The following SLC39A11 variants were observed in gnomAD, a reference collection of about 807,000 sequenced individuals.
SLC39A11 encodes the protein solute carrier family 39 member 11, also known as zinc transporter ZIP11.
SLC39A11 carries 33 observed loss-of-function variants against 36.1 expected under a neutral mutation model. The ratio of observed to expected loss-of-function variants is 0.91; its 90% confidence interval spans 0.69 to 1.22. SLC39A11 has a LOEUF of 1.22. Among genes scored for constraint, SLC39A11 ranks in the 50% most tolerant of loss-of-function variants. The pLI, the probability that SLC39A11 is intolerant of heterozygous loss-of-function variation, is 0.00. For missense variants in SLC39A11, 432 were observed against 430.3 expected, an observed-to-expected ratio of 1.00 and a Z score of -0.03; for synonymous variants, 166 against 170.3, an observed-to-expected ratio of 0.97 and a Z score of 0.20.
At chr17:72,682,052 C>T (rs1432239675) in intron 7 of SLC39A11, among the ~76,000 whole-genome samples, 2 of 152,134 alleles carry the variant, frequency 1.3e-5, no homozygotes, top group East Asian at 1.9e-4. Context: ...ATCAGATCAG[C>T]GGCAGCATTA....
intron 6 of SLC39A11, among the ~76,000 whole-genome samples, chr17:72,840,255 C>T (rs1385809992): frequency 3.3e-5 from 5 of 152,340 alleles, no homozygotes; most frequent in African/African-American, 7.2e-5. Flanking sequence ...AAACAGTGGT[C>T]CCCAGGCCTC....
At chr17:72,833,060 G>GTCAATCAAGACC (rs372623750) in intron 6 of SLC39A11, among the ~76,000 whole-genome samples, 85 of 152,296 alleles carry the variant, frequency 5.6e-4, no homozygotes, top group African/African-American at 2.0e-3. Context: ...TCAAGCCCTT[G>GTCAATCAAGACC]TCAATCAAGA....
At chr17:72,948,612 T>C (rs756876168) in intron 4 of SLC39A11, among the ~76,000 whole-genome samples, 3 of 152,100 alleles carry the variant, frequency 2.0e-5, no homozygotes, top group Non-Finnish European at 2.9e-5. Context: ...GCAGTGCGAG[T>C]TGCAGAGAAT....
intron 2 of SLC39A11, among the ~76,000 whole-genome samples, chr17:73,085,462 G>A (rs997211269): frequency 1.3e-5 from 2 of 151,990 alleles, no homozygotes; most frequent in Admixed American, 1.3e-4. Flanking sequence ...CCTGGCTAAC[G>A]TGGTGAAACT....
chr17:72,736,733 A>G lies in SLC39A11; in HGVS notation c.602-14T>C, dbSNP rs1325200336. 6.2e-7 allele frequency: 1 copy of G among 1,606,614 alleles called. No individual in the cohort carries two copies. Among genetic ancestry groups the G allele is most frequent in the South Asian group, 1.1e-5 (1 of 90,924 alleles). ...CAGCGAGACCCTCTGAAATAGATGT[A>G]AGAAAAGCAAGAGGGGTTAGGAATA... On this transcript the variant is annotated splice_polypyrimidine_tract_variant and intron_variant, in intron 6 of 9. Coordinates refer to ENST00000255559, the MANE Select transcript of SLC39A11 (RefSeq NM_139177.4).
intron 7 of SLC39A11, among the ~76,000 whole-genome samples, chr17:72,662,274 A>T (rs1264821721): frequency 6.6e-6 from 1 of 151,746 alleles, no homozygotes; most frequent in Non-Finnish European, 1.5e-5. Flanking sequence ...TTTTTTAGAA[A>T]GAAAAGAAAG....
chr17:72,896,203 T>G, intron 5 of SLC39A11, among the ~76,000 whole-genome samples: 1 of 133,578 alleles, frequency 7.5e-6, no homozygotes, highest in South Asian at 2.7e-4. Flanking sequence ...TTTTTTTTTT[T>G]TTTTTTTTTT....
At chr17:73,027,459 G>A (rs1484921949) in intron 4 of SLC39A11, among the ~76,000 whole-genome samples, 1 of 152,094 alleles carries the variant, frequency 6.6e-6, no homozygotes, top group African/African-American at 2.4e-5. Flanking sequence ...AACAGTTACC[G>A]CAGAGCTTCT....
intron 7 of SLC39A11, among the ~76,000 whole-genome samples, chr17:72,710,800 T>C (rs962053539): frequency 6.6e-6 from 1 of 152,232 alleles, no homozygotes; most frequent in Non-Finnish European, 1.5e-5. Context: ...CCACCTCCAC[T>C]ACTGGCTTTA....
intron 5 of SLC39A11, among the ~76,000 whole-genome samples, chr17:72,881,340 T>C: frequency 6.6e-6 from 1 of 152,202 alleles, no homozygotes; most frequent in East Asian, 1.9e-4. Flanking sequence ...AAAAATTAAC[T>C]TGATTGCAGT....
chr17:72,649,047 C>A, intron 8 of SLC39A11, 86 bp from the exon 9 acceptor site: 2 of 1,550,518 alleles, frequency 1.3e-6, no homozygotes, highest in South Asian at 2.3e-5. Context: ...AACCCTAGCA[C>A]ATGGATGCAT....
chr17:72,830,195 C>T (rs1019500283), intron 6 of SLC39A11, among the ~76,000 whole-genome samples: 1 of 152,158 alleles, frequency 6.6e-6, no homozygotes, highest in Non-Finnish European at 1.5e-5. Flanking sequence ...TTTAAACTCC[C>T]CACTGGGAAG....
At chr17:72,967,370 CAGAGAG>C (rs72044418) in intron 4 of SLC39A11, among the ~76,000 whole-genome samples, 18 of 110,084 alleles carry the variant, frequency 1.6e-4, no homozygotes, top group East Asian at 6.4e-4. Flanking sequence ...TAAGCATGCT[CAGAGAG>C]AGAGAGAGAG....
chr17:72,845,142 T>C (rs1223114179), intron 6 of SLC39A11, among the ~76,000 whole-genome samples: 1 of 152,136 alleles, frequency 6.6e-6, no homozygotes, highest in African/African-American at 2.4e-5. Context: ...CTCTCCTAAG[T>C]CCCATCTCAA....
At chr17:72,740,338 TACAGGCGTAAGCCACCGCG>T (rs2074635298) in intron 6 of SLC39A11, among the ~76,000 whole-genome samples, 2 of 152,308 alleles carry the variant, frequency 1.3e-5, no homozygotes, top group Non-Finnish European at 2.9e-5. Flanking sequence ...GTGCTGGGAT[TACAGGCGTAAGCCACCGCG>T]CCCGGCCAGA....
At chr17:72,931,149 G>C (rs1325407278) in intron 5 of SLC39A11, among the ~76,000 whole-genome samples, 1 of 152,210 alleles carries the variant, frequency 6.6e-6, no homozygotes, top group African/African-American at 2.4e-5. Flanking sequence ...AGAAGACAAA[G>C]AGGAGTACAG....
At chr17:72,924,166 T>TTTG (rs1439415152) in intron 5 of SLC39A11, among the ~76,000 whole-genome samples, 1 of 149,066 alleles carries the variant, frequency 6.7e-6, no homozygotes, top group Non-Finnish European at 1.5e-5. Context: ...AAAAAAATTT[T>TTTG]TTTTTTTTTT....
chr17:73,066,240 C>G (rs569108865), intron 3 of SLC39A11, among the ~76,000 whole-genome samples: 7 of 152,168 alleles, frequency 4.6e-5, no homozygotes, highest in Admixed American at 2.0e-4. Context: ...GCAACAAACA[C>G]CAAGGCCCCA....
intron 7 of SLC39A11, among the ~76,000 whole-genome samples, chr17:72,714,752 A>G (rs996834143): frequency 3.9e-5 from 6 of 152,204 alleles, no homozygotes; most frequent in Admixed American, 3.9e-4. Flanking sequence ...GCTGTCCCCA[A>G]ACCTGTCAGG....
Sources: allele counts gnomAD v4.1 joint callset (sites outside exome capture counted in the v4.1 genomes callset), GRCh38; gene constraint gnomAD v4.1.1; transcripts MANE v1.5; gene names NCBI Gene and HGNC (gene_info 2026-07-23, HGNC 2026-07-21).